SEC11A: variants seen among roughly 807,000 people sequenced by gnomAD.
The protein encoded by SEC11A is signal peptidase complex catalytic subunit SEC11A.
SEC11A carries 14 observed loss-of-function variants against 25.6 expected under a neutral mutation model. The observed-to-expected ratio is 0.55, with a 90% CI of 0.36 to 0.85. SEC11A has a LOEUF of 0.85. Among genes scored for constraint, SEC11A ranks in the 40% least tolerant of loss-of-function variants. The probability of loss-of-function intolerance (pLI) is 0.01; values close to 1 mark genes in which losing one functional copy is unlikely to be tolerated. For synonymous variants in SEC11A, 83 were observed against 76.4 expected, an observed-to-expected ratio of 1.09 and a Z score of -0.45; for missense variants, 153 against 222.9, an observed-to-expected ratio of 0.69 and a Z score of 2.00.
At chr15:84,675,407 A>G (rs1352022020) in intron 4 of SEC11A, among the ~76,000 whole-genome samples, 1 of 152,216 alleles carries the variant, frequency 6.6e-6, no homozygotes, top group Non-Finnish European at 1.5e-5. Context: ...ACAAAAATTA[A>G]GAAGAGACCC....
chr15:84,698,351 C>T (rs1309814817), intron 1 of SEC11A, among the ~76,000 whole-genome samples: 2 of 152,038 alleles, frequency 1.3e-5, no homozygotes, highest in African/African-American at 2.4e-5. Flanking sequence ...AGCAGTTGGC[C>T]TAAGTCTTAA....
At chr15:84,692,938 T>G (rs1897652659) in intron 1 of SEC11A, among the ~76,000 whole-genome samples, 1 of 152,116 alleles carries the variant, frequency 6.6e-6, no homozygotes, top group Non-Finnish European at 1.5e-5. Context: ...CTCCAACTCC[T>G]GGGCTCAAGC....
At chr15:84,707,181 C>CTTTTTTTTTTT (rs35694643) in intron 1 of SEC11A, among the ~76,000 whole-genome samples, 1 of 91,646 alleles carries the variant, frequency 1.1e-5, no homozygotes, top group African/African-American at 4.1e-5. Context: ...TTGTGTGAGA[C>CTTTTTTTTTTT]TTTTTTTTTT....
chr15:84,708,205 C>CAAAAAA (rs71132699), intron 1 of SEC11A, among the ~76,000 whole-genome samples: 4 of 35,424 alleles, frequency 1.1e-4, no homozygotes, highest in African/African-American at 2.4e-4. Flanking sequence ...GGCTCTGTCT[C>CAAAAAA]AAAAAAAAAA....
At chr15:84,715,465 G>A (rs1223090820) in intron 1 of SEC11A, among the ~76,000 whole-genome samples, 1 of 152,206 alleles carries the variant, frequency 6.6e-6, no homozygotes, top group South Asian at 2.1e-4. Flanking sequence ...GTGCTAAGCG[G>A]ACGCAAGGGC....
At chr15:84,701,540 G>A (rs1171014789) in intron 1 of SEC11A, among the ~76,000 whole-genome samples, 5 of 150,146 alleles carry the variant, frequency 3.3e-5, no homozygotes, top group Admixed American at 3.3e-4. Context: ...GCAAGACTCC[G>A]TTTCAAGAAA....
chr15:84,692,327 C>T (rs112684287), intron 1 of SEC11A, among the ~76,000 whole-genome samples: 2,636 of 152,124 alleles, frequency 0.017, 71 homozygotes, highest in African/African-American at 0.059. Context: ...TCACCACACC[C>T]GGCCCTCTAT....
chr15:84,693,705 C>T (rs993121590), intron 1 of SEC11A, among the ~76,000 whole-genome samples: 1 of 152,136 alleles, frequency 6.6e-6, no homozygotes, highest in Non-Finnish European at 1.5e-5. Flanking sequence ...AAGCAATCCA[C>T]CCGCCTTGAC....
intron 4 of SEC11A, chr15:84,672,822 C>T (rs944282323): frequency 2.9e-5 from 6 of 210,366 alleles, no homozygotes; most frequent in Admixed American, 5.8e-5. Flanking sequence ...AAATGAGGAG[C>T]GTCTCTGCCT....
intron 1 of SEC11A, among the ~76,000 whole-genome samples, chr15:84,715,588 G>A (rs1304993330): frequency 6.6e-6 from 1 of 152,158 alleles, no homozygotes; most frequent in African/African-American, 2.4e-5. Context: ...GCAGCAAAAC[G>A]GTTTTTGTGG....
chr15:84,707,303 A>G (rs1157533800), intron 1 of SEC11A, among the ~76,000 whole-genome samples: 1 of 147,816 alleles, frequency 6.8e-6, no homozygotes, highest in African/African-American at 2.5e-5. Context: ...CTCCTGCCTC[A>G]GCCTCCCGAG....
chr15:84,696,693 A>G (rs764890577), intron 1 of SEC11A, among the ~76,000 whole-genome samples: 10 of 152,202 alleles, frequency 6.6e-5, no homozygotes, highest in Non-Finnish European at 1.5e-4. Context: ...ATATCCCAAT[A>G]TCAAACACAT....
At chr15:84,678,070 A>G (rs899854545) in intron 4 of SEC11A, among the ~76,000 whole-genome samples, 1 of 152,106 alleles carries the variant, frequency 6.6e-6, no homozygotes, top group African/African-American at 2.4e-5. Context: ...TGTGGCACAC[A>G]CCTGTAATCC....
At chr15:84,680,472 C>T (rs756837509) in intron 4 of SEC11A, among the ~76,000 whole-genome samples, 1 of 152,150 alleles carries the variant, frequency 6.6e-6, no homozygotes, top group Non-Finnish European at 1.5e-5. Flanking sequence ...ACATCCAATT[C>T]ACCATCTCAT....
At chr15:84,707,603 G>A (rs1898135424) in intron 1 of SEC11A, among the ~76,000 whole-genome samples, 1 of 152,124 alleles carries the variant, frequency 6.6e-6, no homozygotes, top group Non-Finnish European at 1.5e-5. Flanking sequence ...TTAAGGAGTA[G>A]ACACCTTAAG....
intron 3 of SEC11A, among the ~76,000 whole-genome samples, chr15:84,684,787 C>G (rs1377538510): frequency 1.3e-5 from 2 of 152,046 alleles, no homozygotes; most frequent in African/African-American, 4.8e-5. Context: ...CAAAAATTAG[C>G]TGGGCGTGGT....
At position 84,670,067 on chromosome 15, in the gene SEC11A, A is replaced by G; in HGVS notation, c.492T>C (p.Tyr164=). Reference sequence around the variant, plus strand: ...ATAAACCCAGCAAAAAGAGAACTGCATACTAGAAAATAAACACAGAACCAC... The same window carrying G: ...ATAAACCCAGCAAAAAGAGAACTGCGTACTAGAAAATAAACACAGAACCAC... The part of the protein sequence containing the change: ...ILMNDYPKFK[Y]AVLFLLGLFV... Residue 164 remains tyrosine, a splice_region_variant and synonymous_variant, in exon 6 of 6, where the codon TAT becomes TAC. Coordinates refer to ENST00000268220, the MANE Select transcript of SEC11A (RefSeq NM_014300.4). The G allele has an allele frequency of 6.2e-7, 1 of 1,612,922 alleles. No homozygotes were observed. The highest frequency in any genetic ancestry group is 8.5e-7 in the Non-Finnish European group (1 of 1,179,470).
chr15:84,683,607 A>G (rs1897335388), intron 3 of SEC11A, among the ~76,000 whole-genome samples: 1 of 151,392 alleles, frequency 6.6e-6, no homozygotes, highest in African/African-American at 2.4e-5. Context: ...CCCAGGCTGG[A>G]GTGCAATGAC....
chr15:84,678,017 G>A (rs1000249095), intron 4 of SEC11A, among the ~76,000 whole-genome samples: 3 of 152,056 alleles, frequency 2.0e-5, no homozygotes, highest in East Asian at 1.9e-4. Flanking sequence ...CCAACATGGC[G>A]AAAACCCATC....
Sources: allele counts gnomAD v4.1 joint callset (sites outside exome capture counted in the v4.1 genomes callset), GRCh38; gene constraint gnomAD v4.1.1; transcripts MANE v1.5; gene names NCBI Gene and HGNC (gene_info 2026-07-23, HGNC 2026-07-21).